MMP26: variants seen among roughly 807,000 people sequenced by gnomAD.
MMP26 encodes matrix metallopeptidase 26.
MMP26 carries 33 observed loss-of-function variants against 31.0 expected under a neutral mutation model. That is an observed-to-expected ratio of 1.06 (90% CI 0.81 to 1.42). The LOEUF is 1.42. Among genes scored for constraint, MMP26 ranks in the 40% most tolerant of loss-of-function variants. MMP26 has a pLI of 0.00. For synonymous variants in MMP26, 122 were observed against 114.9 expected (o/e 1.06, Z -0.40); for missense variants, 347 against 316.1 (o/e 1.10, Z -0.74).
chr11:4,884,654 C>T (rs1017046941), intron 2 of MMP26, among the ~76,000 whole-genome samples: 2 of 152,118 alleles, frequency 1.3e-5, no homozygotes, highest in African/African-American at 2.4e-5. Flanking sequence ...TTTCAGATGT[C>T]TCTGGCTTTA....
intron 2 of MMP26, among the ~76,000 whole-genome samples, 190 bp from the exon 3 acceptor site, chr11:4,987,878 C>T (rs2133648457): frequency 6.6e-6 from 1 of 152,294 alleles, no homozygotes; most frequent in South Asian, 2.1e-4. Flanking sequence ...AGTTTCGACA[C>T]ACCTCCTGTT....
chr11:4,772,398 A>G (rs1262777951), intron 2 of MMP26, among the ~76,000 whole-genome samples: 1 of 151,510 alleles, frequency 6.6e-6, no homozygotes, highest in Non-Finnish European at 1.5e-5. Flanking sequence ...CACAATAAAG[A>G]GGGAAAACTT....
At chr11:4,848,210 A>C in intron 2 of MMP26, 1 of 1,571,408 alleles carries the variant, frequency 6.4e-7, no homozygotes, top group Non-Finnish European at 8.6e-7. Flanking sequence ...GGAGCCCTGT[A>C]CCACCAAACA....
chr11:4,971,599 G>A (rs1490489636), intron 2 of MMP26, among the ~76,000 whole-genome samples: 1 of 152,168 alleles, frequency 6.6e-6, no homozygotes. Flanking sequence ...AGGTTACTAA[G>A]TAGAAAATTA....
intron 2 of MMP26, chr11:4,914,989 CAG>C: frequency 1.9e-6 from 3 of 1,614,084 alleles, no homozygotes; most frequent in Non-Finnish European, 2.5e-6. Context: ...TGCGCAGGAT[CAG>C]AGCATAAGAG....
intron 2 of MMP26, among the ~76,000 whole-genome samples, chr11:4,921,724 T>C (rs1000841788): frequency 3.3e-5 from 5 of 152,252 alleles, no homozygotes; most frequent in African/African-American, 4.8e-5. Flanking sequence ...TATGCACTTA[T>C]TTAAAGTTAT....
intron 2 of MMP26, among the ~76,000 whole-genome samples, chr11:4,910,044 T>G (rs1205151844): frequency 3.9e-5 from 6 of 152,034 alleles, no homozygotes; most frequent in African/African-American, 1.4e-4. Flanking sequence ...ACAATACAAA[T>G]GTATTGTTTT....
chr11:4,927,771 G>C (rs754546765), intron 2 of MMP26, among the ~76,000 whole-genome samples: 2 of 152,124 alleles, frequency 1.3e-5, no homozygotes, highest in Non-Finnish European at 2.9e-5. Context: ...CTCCTCAGGG[G>C]CCTTTCCCAA....
chr11:4,768,198 C>G (rs531648911), intron 2 of MMP26, among the ~76,000 whole-genome samples: 1 of 152,192 alleles, frequency 6.6e-6, no homozygotes, highest in African/African-American at 2.4e-5. Flanking sequence ...CCCCAAACTT[C>G]CTTGTAATTT....
At chr11:4,907,520 A>G in intron 2 of MMP26, 1 of 1,614,058 alleles carries the variant, frequency 6.2e-7, no homozygotes, top group Non-Finnish European at 8.5e-7. Context: ...TATTATAAAG[A>G]CAGAGCCCTC....
At chr11:4,915,678 A>T in intron 2 of MMP26, 1 of 1,592,754 alleles carries the variant, frequency 6.3e-7, no homozygotes, top group African/African-American at 1.3e-5. Flanking sequence ...TGAGGAGACA[A>T]GGGGGAAGGT....
At chr11:4,739,273 T>C (rs1186501014) in intron 1 of MMP26, among the ~76,000 whole-genome samples, 1 of 152,174 alleles carries the variant, frequency 6.6e-6, no homozygotes, top group Admixed American at 6.5e-5. Context: ...ACACTTGAGC[T>C]TTTAACTCCA....
chr11:4,845,622 C>T (rs2133493955), intron 2 of MMP26, among the ~76,000 whole-genome samples: 1 of 152,186 alleles, frequency 6.6e-6, no homozygotes, highest in East Asian at 1.9e-4. Flanking sequence ...AAAGCTTCTG[C>T]ATAGCAAATA....
At chr11:4,910,814 A>C (rs72858174) in intron 2 of MMP26, among the ~76,000 whole-genome samples, 1 of 149,596 alleles carries the variant, frequency 6.7e-6, no homozygotes, top group Non-Finnish European at 1.5e-5. Context: ...TTGTAAATGC[A>C]TGAGTGACCA....
intron 1 of MMP26, among the ~76,000 whole-genome samples, chr11:4,744,751 T>A (rs1050466926): frequency 6.6e-6 from 1 of 152,204 alleles, no homozygotes; most frequent in Non-Finnish European, 1.5e-5. Flanking sequence ...TTTAAAAAAA[T>A]TTTATTAGAT....
intron 1 of MMP26, among the ~76,000 whole-genome samples, chr11:4,749,914 A>G (rs1848427318): frequency 6.6e-6 from 1 of 152,102 alleles, no homozygotes. Context: ...TGCAACAGAA[A>G]CAAAAATAGA....
At chr11:4,871,938 T>A (rs188038927) in intron 2 of MMP26, 1 of 152,134 alleles carries the variant, frequency 6.6e-6, no homozygotes, top group African/African-American at 2.4e-5. Flanking sequence ...AATTGCCCCG[T>A]GACTAAATGT....
Position 4,810,163 on chromosome 11 carries a change from G to A in MMP26, c.-145+42822G>A, listed in dbSNP as rs896597525. The stretch of plus-strand genomic sequence containing the variant: ...TCTGTATACAGAAGTAGGAAGGCAG[G>A]GGATTTGAATGCTTGTGCAAAAAAG... On this transcript the variant is annotated intron_variant, in intron 2 of 7. Coordinates refer to ENST00000380390, the MANE Select transcript of MMP26 (RefSeq NM_021801.5). Among the ~76,000 whole-genome samples, 2 of 152,120 alleles carry A rather than the reference G, an allele frequency of 1.3e-5. 1 individual carries two copies. The highest frequency in any genetic ancestry group is 4.1e-4 in the South Asian group (2 of 4,822).
At chr11:4,711,591 A>C (rs1250758597) in intron 1 of MMP26, 1 of 152,174 alleles carries the variant, frequency 6.6e-6, no homozygotes, top group Non-Finnish European at 1.5e-5. Context: ...GGCCTCATGC[A>C]ACCCACTGAA....
Sources: gnomAD v4.1 joint callset for allele counts (sites outside exome capture counted in the v4.1 genomes callset) on GRCh38, gnomAD v4.1.1 for gene constraint, MANE v1.5 for transcripts, NCBI Gene and HGNC (gene_info 2026-07-23, HGNC 2026-07-21) for gene names.